Variants in FBXO4 observed in about 807,000 individuals in gnomAD.
FBXO4 encodes F-box protein 4, also known as F-box only protein 4.
Under a neutral mutation model 43.7 loss-of-function variants are expected in FBXO4, and 36 were observed. The ratio of observed to expected loss-of-function variants is 0.82; its 90% CI spans 0.63 to 1.09. The LOEUF (loss-of-function observed/expected upper bound fraction) is 1.09, where lower values mean the gene tolerates loss of function less well. Ranked by LOEUF, FBXO4 falls within the 50% of genes least tolerant of loss-of-function variation. The probability of loss-of-function intolerance (pLI) is 0.00; values close to 1 mark genes in which losing one functional copy is unlikely to be tolerated. For missense variants in FBXO4, 435 were observed against 474.1 expected (o/e 0.92, Z 0.77); for synonymous variants, 180 against 165.6 (o/e 1.09, Z -0.67).
At chr5:42,012,938 C>G in the FBXO4 span, among the ~76,000 whole-genome samples, 1 of 152,106 alleles carries the variant, frequency 6.6e-6, no homozygotes, top group East Asian at 1.9e-4. Flanking sequence ...TAAAGAATTG[C>G]CTAAAATTTC....
chr5:42,000,411 C>G, the FBXO4 span, among the ~76,000 whole-genome samples: 31 of 152,130 alleles, frequency 2.0e-4, no homozygotes, highest in Non-Finnish European at 4.1e-4. Context: ...AATATCTTTT[C>G]AGTTCCTGAG....
chr5:41,973,763 A>G, the FBXO4 span, among the ~76,000 whole-genome samples: 1 of 152,102 alleles, frequency 6.6e-6, no homozygotes, highest in African/African-American at 2.4e-5. Context: ...TTTTGTTGCT[A>G]TTGTCATTCT....
rs1278415803 is a variant in FBXO4, at chr5:41,925,373, C to T, written c.64C>T (p.Arg22Cys). 5.1e-6 allele frequency: 7 copies of T among 1,375,630 alleles called. No homozygotes were observed. The African/African-American group carries it at 1.1e-4, about 21-fold the overall frequency. The allele number at this position is 1,375,630 out of a possible 1,614,324, so 85.2% of individuals were successfully genotyped here. ...SPPPPFSDWG[R>C]LEAAILSGWK... is the part of the protein sequence containing the mutation. ...GCCGCCGCCCTTCAGCGACTGGGGC[C>T]GCCTGGAGGCGGCCATCCTCAGCGG... Residue 22 changes from arginine to cysteine, a missense_variant, in exon 1 of 7, where the codon CGC becomes TGC. Physicochemically the swap from Arg to Cys is radical, Grantham distance 180. Coordinates refer to ENST00000281623, the MANE Select transcript of FBXO4 (RefSeq NM_012176.3).
At chr5:41,983,369 T>C in the FBXO4 span, among the ~76,000 whole-genome samples, 1 of 152,318 alleles carries the variant, frequency 6.6e-6, no homozygotes, top group African/African-American at 2.4e-5. Flanking sequence ...GGGGTTATTA[T>C]GCACTTCTAA....
the FBXO4 span, among the ~76,000 whole-genome samples, chr5:41,999,555 A>ACG: frequency 1.3e-3 from 161 of 122,200 alleles, 2 homozygotes; most frequent in African/African-American, 5.2e-3. Context: ...GTATATATAT[A>ACG]TATATATGTA....
the FBXO4 span, among the ~76,000 whole-genome samples, chr5:41,978,153 A>T: frequency 1.3e-5 from 2 of 152,142 alleles, no homozygotes; most frequent in Admixed American, 1.3e-4. Context: ...CAAGATACAG[A>T]TGGGGAGATG....
the FBXO4 span, among the ~76,000 whole-genome samples, chr5:42,036,555 A>C: frequency 6.6e-6 from 1 of 152,136 alleles, no homozygotes; most frequent in Non-Finnish European, 1.5e-5. Flanking sequence ...GCCATTAGTG[A>C]AATTCAAATA....
the FBXO4 span, among the ~76,000 whole-genome samples, chr5:42,024,566 G>A: frequency 9.9e-5 from 15 of 151,944 alleles, no homozygotes; most frequent in East Asian, 1.9e-4. Context: ...AAACAATCCC[G>A]TTAATTCTTT....
At chr5:41,927,438 C>T (rs1423428752) in intron 2 of FBXO4, among the ~76,000 whole-genome samples, 190 bp downstream of exon 2, 1 of 152,000 alleles carries the variant, frequency 6.6e-6, no homozygotes, top group African/African-American at 2.4e-5. Context: ...TTATTATTTC[C>T]CTGTGGTGCC....
At chr5:41,929,558 C>T (rs1751612036) in intron 2 of FBXO4, 139 bp from the exon 3 acceptor site, 2 of 648,010 alleles carry the variant, frequency 3.1e-6, no homozygotes, top group South Asian at 4.4e-5. Flanking sequence ...AGGTGTCTGT[C>T]TATTGTTCTC....
intron 3 of FBXO4, 74 bp from the exon 4 acceptor site, chr5:41,933,872 C>T (rs372005683): frequency 2.9e-5 from 36 of 1,232,998 alleles, no homozygotes; most frequent in South Asian, 1.7e-4. Flanking sequence ...TTGCTTTCAC[C>T]GGGTAATTTT....
chr5:41,995,641 T>A, the FBXO4 span, among the ~76,000 whole-genome samples: 1 of 152,136 alleles, frequency 6.6e-6, no homozygotes, highest in East Asian at 1.9e-4. Context: ...TCCACTTGAT[T>A]ATTAAAATCC....
At chr5:41,984,758 A>C in the FBXO4 span, among the ~76,000 whole-genome samples, 1 of 152,036 alleles carries the variant, frequency 6.6e-6, no homozygotes, top group Non-Finnish European at 1.5e-5. Flanking sequence ...TGATTCGCCC[A>C]CCTCGGCCTC....
At chr5:42,014,962 A>G in the FBXO4 span, among the ~76,000 whole-genome samples, 1 of 152,218 alleles carries the variant, frequency 6.6e-6, no homozygotes, top group East Asian at 1.9e-4. Flanking sequence ...TTATTAGAAT[A>G]TAATCTATAT....
At chr5:42,039,773 A>G in the FBXO4 span, among the ~76,000 whole-genome samples, 1 of 152,132 alleles carries the variant, frequency 6.6e-6, no homozygotes, top group African/African-American at 2.4e-5. Flanking sequence ...AAGTGCCCAA[A>G]TCAATTTGAC....
chr5:41,936,539 A>C (rs1326733272), intron 5 of FBXO4, among the ~76,000 whole-genome samples: 1 of 152,172 alleles, frequency 6.6e-6, no homozygotes, highest in Non-Finnish European at 1.5e-5. Context: ...TCCCCAACCC[A>C]CAAAAAAATG....
At chr5:41,987,311 C>T in the FBXO4 span, among the ~76,000 whole-genome samples, 1 of 152,148 alleles carries the variant, frequency 6.6e-6, no homozygotes, top group African/African-American at 2.4e-5. Flanking sequence ...GTTTCTGGCC[C>T]TTCACAAATT....
At chr5:41,963,222 C>T in the FBXO4 span, among the ~76,000 whole-genome samples, 1 of 151,732 alleles carries the variant, frequency 6.6e-6, no homozygotes, top group African/African-American at 2.4e-5. Context: ...ACACACACTA[C>T]ACATAATATA....
At chr5:42,035,260 G>C in the FBXO4 span, among the ~76,000 whole-genome samples, 1 of 151,972 alleles carries the variant, frequency 6.6e-6, no homozygotes, top group Non-Finnish European at 1.5e-5. Flanking sequence ...AGGGGAATTT[G>C]ACTGCAAACA....
Sources: gnomAD v4.1 joint callset for allele counts (sites outside exome capture counted in the v4.1 genomes callset) on GRCh38, gnomAD v4.1.1 for gene constraint, MANE v1.5 for transcripts, NCBI Gene and HGNC (gene_info 2026-07-23, HGNC 2026-07-21) for gene names.